Variants in EIPR1 observed in about 807,000 individuals in gnomAD.
EIPR1 encodes EARP complex and GARP complex interacting protein 1, also known as EARP and GARP complex-interacting protein 1.
EIPR1 carries 25 observed loss-of-function variants against 48.1 expected under a neutral mutation model. The observed-to-expected ratio is 0.52, with a 90% confidence interval of 0.38 to 0.73. The LOEUF (loss-of-function observed/expected upper bound fraction) is 0.73. Ranked by LOEUF, EIPR1 falls within the 30% of genes least tolerant of loss-of-function variation. EIPR1 has a pLI of 0.00. For synonymous variants in EIPR1, 204 were observed against 201.9 expected (o/e 1.01, Z -0.09); for missense variants, 415 against 506.2 (o/e 0.82, Z 1.73).
chr2:3,243,202 C>T (rs962877809), intron 4 of EIPR1, among the ~76,000 whole-genome samples: 1 of 152,188 alleles, frequency 6.6e-6, no homozygotes, highest in Non-Finnish European at 1.5e-5. Flanking sequence ...ATACGGGCTG[C>T]ACATGAGGGG....
At chr2:3,311,267 C>A (rs1281838767) in intron 3 of EIPR1, among the ~76,000 whole-genome samples, 1 of 152,192 alleles carries the variant, frequency 6.6e-6, no homozygotes, top group Non-Finnish European at 1.5e-5. Flanking sequence ...GGTCCTGTTA[C>A]ACACTCTCAA....
chr2:3,234,367 C>A (rs1016799309), intron 4 of EIPR1, among the ~76,000 whole-genome samples: 1 of 152,228 alleles, frequency 6.6e-6, no homozygotes, highest in Non-Finnish European at 1.5e-5. Flanking sequence ...TGTTTCTCTA[C>A]CTTTTCCATC....
At chr2:3,253,970 G>A (rs1051789411) in intron 4 of EIPR1, among the ~76,000 whole-genome samples, 7 of 152,176 alleles carry the variant, frequency 4.6e-5, no homozygotes, top group Non-Finnish European at 7.3e-5. Flanking sequence ...GAGTGGTAGC[G>A]ACGTGAGTGT....
chr2:3,268,896 T>A (rs1667578540), intron 3 of EIPR1, among the ~76,000 whole-genome samples: 2 of 152,168 alleles, frequency 1.3e-5, no homozygotes, highest in African/African-American at 2.4e-5. Flanking sequence ...AAAGCCTACC[T>A]ATGTCATATG....
intron 1 of EIPR1, among the ~76,000 whole-genome samples, chr2:3,369,928 GCCT>G (rs1446919169): frequency 1.3e-5 from 2 of 152,142 alleles, no homozygotes; most frequent in Non-Finnish European, 2.9e-5. Context: ...CGGGCAGACT[GCCT>G]CCTCAAGTGG....
chr2:3,210,554 G>A (rs552595524), intron 5 of EIPR1, among the ~76,000 whole-genome samples: 1 of 152,192 alleles, frequency 6.6e-6, no homozygotes, highest in South Asian at 2.1e-4. Context: ...ACATCCGCAG[G>A]CGAGTCGAGG....
chr2:3,296,558 TAC>T (rs1169597708), intron 3 of EIPR1, among the ~76,000 whole-genome samples: 7 of 107,820 alleles, frequency 6.5e-5, no homozygotes, highest in East Asian at 6.3e-4. Flanking sequence ...ATCCTCTGTA[TAC>T]ACACACACAC....
intron 4 of EIPR1, among the ~76,000 whole-genome samples, chr2:3,238,773 C>T (rs920746920): frequency 6.6e-6 from 1 of 152,202 alleles, no homozygotes; most frequent in African/African-American, 2.4e-5. Flanking sequence ...GCTTTCCATG[C>T]TGCAAGAGGC....
Position 3,199,060 on chromosome 2 carries a change from GGC to G in EIPR1, c.517-2045_517-2044del, listed in dbSNP as rs1491291993. Among the ~76,000 whole-genome samples, 20 of 23,356 alleles carry G rather than the reference GGC, an allele frequency of 8.6e-4. 4 individuals carry two copies. Among genetic ancestry groups the G allele is most frequent in the South Asian group, 2.5e-3 (2 of 786 alleles). 15.3% of individuals were successfully genotyped at this position (23,356 alleles called of 152,430 possible). The stretch of plus-strand genomic sequence containing the variant: ...CACCCCCAGAGTGGCCATTTTAGAG[GGC>G]CCCCCCCCCGCCCCGGGAATGCATT... On this transcript the variant is annotated intron_variant, in intron 5 of 8. Transcript: ENST00000382125.
rs894045832 is a variant in EIPR1, at chr2:3,191,465, G to C, written c.989+949C>G. 2.0e-5 allele frequency among the ~76,000 whole-genome samples: 3 copies of C among 152,366 alleles called. No homozygotes were observed. In the East Asian group the frequency reaches 5.8e-4, roughly 29 times the overall value. ...CCACTGCAGAGAGGGTCTGAAGAAAGAGGTCTTCTCACAGAGGAATTTTAG... is the reference window on the plus strand; with the variant it reads ...CCACTGCAGAGAGGGTCTGAAGAAACAGGTCTTCTCACAGAGGAATTTTAG... On this transcript the variant is annotated intron_variant, in intron 8 of 8. Coordinates refer to ENST00000382125, the MANE Select transcript of EIPR1 (RefSeq NM_003310.5).
At chr2:3,257,880 T>C (rs998623075) in intron 3 of EIPR1, among the ~76,000 whole-genome samples, 8 of 152,210 alleles carry the variant, frequency 5.3e-5, no homozygotes, top group Admixed American at 2.0e-4. Flanking sequence ...CTTAAATGAC[T>C]ATTAGGCACA....
In EIPR1 at chr2:3,289,301, C is replaced by T. The variant is rs57948538; in HGVS notation, c.260-31846G>A. 6.3e-3 allele frequency among the ~76,000 whole-genome samples: 961 copies of T among 152,278 alleles called. 6 individuals carry two copies. Among genetic ancestry groups the T allele is most frequent in the African/African-American group, 0.022 (895 of 41,534 alleles). On this transcript the variant is annotated intron_variant, in intron 3 of 8. Transcript: ENST00000382125. Reference sequence around the variant, plus strand: ...CAAATTATAGTTTTAAAACAAAGAACGCCGAGCTCAGGGTTTTCTCTCTGT... The same window carrying T: ...CAAATTATAGTTTTAAAACAAAGAATGCCGAGCTCAGGGTTTTCTCTCTGT...
At chr2:3,218,489 C>A (rs1665730171) in intron 4 of EIPR1, among the ~76,000 whole-genome samples, 1 of 149,280 alleles carries the variant, frequency 6.7e-6, no homozygotes, top group Admixed American at 6.7e-5. Context: ...GGTGCACACC[C>A]AGCAGGGCCC....
At chr2:3,208,709 T>C in intron 5 of EIPR1, 1 of 1,550,100 alleles carries the variant, frequency 6.5e-7, no homozygotes, top group African/African-American at 1.4e-5. Context: ...ACTCGGCGGG[T>C]CCTTCTTCCA....
At chr2:3,291,589 A>C (rs1256114448) in intron 3 of EIPR1, among the ~76,000 whole-genome samples, 1 of 152,232 alleles carries the variant, frequency 6.6e-6, no homozygotes, top group Admixed American at 6.5e-5. Flanking sequence ...ATTGGTTTTT[A>C]AATTCAATCT....
At chr2:3,241,319 C>A (rs894669448) in intron 4 of EIPR1, among the ~76,000 whole-genome samples, 3 of 152,188 alleles carry the variant, frequency 2.0e-5, no homozygotes, top group African/African-American at 7.2e-5. Flanking sequence ...AGGGAGAGCT[C>A]CTTTATCGTA....
Position 3,247,003 on chromosome 2 carries a change from A to AGGGAGGGAGAGAGCGAGGGAG in EIPR1, c.416+10295_416+10296insCTCCCTCGCTCTCTCCCTCCC, listed in dbSNP as rs374891827. On this transcript the variant is annotated intron_variant, in intron 4 of 8. Coordinates refer to ENST00000382125, the MANE Select transcript of EIPR1 (RefSeq NM_003310.5). The stretch of plus-strand genomic sequence containing the variant: ...GAGGGAGGGAGGGAGAGAGCGAGGG[A>AGGGAGGGAGAGAGCGAGGGAG]GGAGAGAGCGAGGGAGGGAGAGAGC... 3.6e-4 allele frequency among the ~76,000 whole-genome samples: 2 copies of AGGGAGGGAGAGAGCGAGGGAG among 5,514 alleles called. 1 individual carries two copies. Among genetic ancestry groups the AGGGAGGGAGAGAGCGAGGGAG allele is most frequent in the African/African-American group, 1.7e-3 (2 of 1,210 alleles). The allele number at this position is 5,514 out of a possible 152,430, so 3.6% of individuals were successfully genotyped here. A position where few individuals can be genotyped will look rare whatever the true frequency, so the allele number is the denominator to read the frequency against.
chr2:3,288,234 C>T (rs973611648), intron 3 of EIPR1, among the ~76,000 whole-genome samples: 6 of 152,218 alleles, frequency 3.9e-5, no homozygotes, highest in Admixed American at 1.3e-4. Context: ...ATTTCCAAGC[C>T]CTGCCTCTCT....
chr2:3,344,609 A>G (rs887415773), intron 2 of EIPR1, among the ~76,000 whole-genome samples: 5 of 149,932 alleles, frequency 3.3e-5, no homozygotes, highest in Non-Finnish European at 5.9e-5. Flanking sequence ...CTTTGTTCTA[A>G]TAGAAACATA....
Sources: allele counts gnomAD v4.1 joint callset (sites outside exome capture counted in the v4.1 genomes callset), GRCh38; gene constraint gnomAD v4.1.1; transcripts MANE v1.5; gene names NCBI Gene and HGNC (gene_info 2026-07-23, HGNC 2026-07-21).